Variants in TINAGL1 observed in about 807,000 individuals in gnomAD.
TINAGL1 encodes tubulointerstitial nephritis antigen like 1, also known as tubulointerstitial nephritis antigen-like.
A neutral mutation model predicts 62.0 loss-of-function variants in TINAGL1; 34 were observed. The ratio of observed to expected loss-of-function variants is 0.55; its 90% CI spans 0.42 to 0.73. The LOEUF is 0.73. Ranked by LOEUF, TINAGL1 falls within the 30% of genes least tolerant of loss-of-function variation. The pLI is 0.00. For synonymous variants in TINAGL1, 221 were observed against 249.7 expected, an observed-to-expected ratio of 0.88 and a Z score of 1.08; for missense variants, 516 against 653.2, an observed-to-expected ratio of 0.79 and a Z score of 2.29.
rs918874821 is a variant in TINAGL1 at position 31,587,302 on chromosome 1, C to T, written c.*323C>T. 7.6e-6 allele frequency: 2 copies of T among 262,998 alleles called. No individual in the cohort carries two copies. 16.3% of individuals were successfully genotyped at this position (262,998 alleles called of 1,614,324 possible). Reference sequence around the variant, plus strand: ...ACACCTCAAGTCTCCAGCCCCACTACCCCACCCCACTCCTGTATTCTTTTT... The same window carrying T: ...ACACCTCAAGTCTCCAGCCCCACTATCCCACCCCACTCCTGTATTCTTTTT... On this transcript the variant is annotated 3_prime_UTR_variant, in exon 12 of 12. Coordinates refer to ENST00000271064, the MANE Select transcript of TINAGL1 (RefSeq NM_022164.3).
At position 31,576,984 on chromosome 1, in the gene TINAGL1, G is replaced by A; in HGVS notation, c.-15-150G>A. The A allele has an allele frequency of 1.5e-6, 1 of 686,874 alleles. No individual in the cohort carries two copies. The highest frequency in any genetic ancestry group is 2.2e-5 in the South Asian group (1 of 46,254). 42.5% of individuals were successfully genotyped at this position (686,874 alleles called of 1,614,324 possible). The stretch of plus-strand genomic sequence containing the variant: ...CCCCTATAGCCAGGGCCCACACACT[G>A]GGGCTCCTCTGCCCGTGTCCTGCCT... On this transcript the variant is annotated intron_variant, in intron 1 of 11. Transcript: ENST00000271064. The surrounding 1 kb of genome is among the most constrained non-coding windows in gnomAD (Gnocchi z 5.1).
At chr1:31,580,167 C>A (rs1570202485) in intron 3 of TINAGL1, 2 of 188,372 alleles carry the variant, frequency 1.1e-5, no homozygotes, top group Admixed American at 1.8e-4. Flanking sequence ...AATGCGCTCT[C>A]TCTCTCTCTC....
At chr1:31,579,456 A>G (rs542135950) in intron 3 of TINAGL1, among the ~76,000 whole-genome samples, 189 bp downstream of exon 3, 6 of 152,346 alleles carry the variant, frequency 3.9e-5, no homozygotes, top group African/African-American at 1.4e-4. Context: ...TTCCAACAAC[A>G]TTCCTCAAGC....
chr1:31,579,596 G>C (rs41263961), intron 3 of TINAGL1, among the ~76,000 whole-genome samples: 1 of 152,144 alleles, frequency 6.6e-6, no homozygotes, highest in East Asian at 1.9e-4. Flanking sequence ...GGGAGAAGGG[G>C]GCGCCAGGAA....
chr1:31,587,070 G>A lies in TINAGL1; in HGVS notation c.*91G>A. 3.0e-6 allele frequency: 4 copies of A among 1,348,042 alleles called. No individual in the cohort carries two copies. Among genetic ancestry groups the A allele is most frequent in the Non-Finnish European group, 2.8e-6 (3 of 1,056,914 alleles). The allele number at this position is 1,348,042 out of a possible 1,614,324, so 83.5% of individuals were successfully genotyped here. A position where few individuals can be genotyped will look rare whatever the true frequency, so the allele number is the denominator to read the frequency against. Reference sequence around the variant, plus strand: ...TGGGGCGGTGACCCCAGCCTCGCCCGACAGAGCCCGGGGCGCAGGCGGGCG... The same window carrying A: ...TGGGGCGGTGACCCCAGCCTCGCCCAACAGAGCCCGGGGCGCAGGCGGGCG... On this transcript the variant is annotated 3_prime_UTR_variant, in exon 12 of 12. Coordinates refer to ENST00000271064, the MANE Select transcript of TINAGL1 (RefSeq NM_022164.3).
intron 3 of TINAGL1, chr1:31,580,356 C>A: frequency 7.8e-7 from 1 of 1,286,782 alleles, no homozygotes; most frequent in South Asian, 1.2e-5. Context: ...GCCCTGGGGG[C>A]AAAGGAGGAG....
Position 31,583,135 on chromosome 1 carries a change from C to A in TINAGL1, c.375-14C>A, listed in dbSNP as rs773946554. On this transcript the variant is annotated splice_polypyrimidine_tract_variant and intron_variant, in intron 3 of 11. Coordinates refer to ENST00000271064, the MANE Select transcript of TINAGL1 (RefSeq NM_022164.3). This position sits in a 1 kb window ranked among gnomAD's most constrained non-coding sequence, Gnocchi z 4.4. ...TCCCCCACTTACCCTTTCCTTCTCTCCTTTTCTCACCAGCACCTGCCAGGA... is the reference window on the plus strand; with the variant it reads ...TCCCCCACTTACCCTTTCCTTCTCTACTTTTCTCACCAGCACCTGCCAGGA... 23 of 1,613,856 alleles carry A rather than the reference C, an allele frequency of 1.4e-5. No homozygotes were observed. Among genetic ancestry groups the A allele is most frequent in the Non-Finnish European group, 1.4e-5 (17 of 1,179,774 alleles).
intron 10 of TINAGL1, 47 bp from the exon 11 acceptor site, chr1:31,586,663 G>A (rs1300313521): frequency 6.4e-7 from 1 of 1,553,830 alleles, no homozygotes; most frequent in Admixed American, 1.9e-5. Context: ...GAGCTCCTGA[G>A]AGCAGGTAGA....
Position 31,583,239 on chromosome 1 carries a change from T to A in TINAGL1, c.465T>A (p.Tyr155Ter). Residue 155 changes from tyrosine (Y) to a stop codon, truncating the protein, a stop_gained and splice_region_variant, in exon 4 of 12, where the codon TAT (tyrosine) becomes TAA (stop). Transcript: ENST00000271064. LOFTEE classifies it high-confidence loss of function. The surrounding 1 kb of genome is among the most constrained non-coding windows in gnomAD (Gnocchi z 4.4). ...TCAAAGCCATCAACCAGGGCAACTA[T>A]GGGTGAGAGGCCCTAGAGGCACCCT... ...DMIKAINQGN[Y>*]GWQAGNHSAF... 1 of 1,614,144 alleles carries A rather than the reference T, an allele frequency of 6.2e-7. No homozygotes were observed. The highest frequency in any genetic ancestry group is 8.5e-7 in the Non-Finnish European group (1 of 1,179,996).
In TINAGL1 at chr1:31,587,226, G is replaced by A. The variant is rs1639422594; in HGVS notation, c.*247G>A. ...CAGGGCCTGGCCTGGGAAGAGCACAGCTGCAGATCCCAGGCCTCTGGCGCC... is the reference window on the plus strand; with the variant it reads ...CAGGGCCTGGCCTGGGAAGAGCACAACTGCAGATCCCAGGCCTCTGGCGCC... On this transcript the variant is annotated 3_prime_UTR_variant, in exon 12 of 12. Transcript: ENST00000271064. 2.3e-6 allele frequency: 1 copy of A among 431,952 alleles called. No individual in the cohort carries two copies. Among genetic ancestry groups the A allele is most frequent in the Non-Finnish European group, 3.7e-6 (1 of 267,358 alleles). The allele number at this position is 431,952 out of a possible 1,614,324, so 26.8% of individuals were successfully genotyped here. A position where few individuals can be genotyped will look rare whatever the true frequency, so the allele number is the denominator to read the frequency against.
chr1:31,580,326 T>C, intron 3 of TINAGL1: 1 of 1,273,276 alleles, frequency 7.9e-7, no homozygotes, highest in Non-Finnish European at 1.0e-6. Flanking sequence ...CCACCGGCCC[T>C]GCCTGGACCT....
Position 31,577,708 on chromosome 1 carries a change from C to T in TINAGL1, c.310+250C>T, listed in dbSNP as rs745576030. On this transcript the variant is annotated intron_variant, in intron 2 of 11. Transcript: ENST00000271064. The surrounding 1 kb of genome is among the most constrained non-coding windows in gnomAD (Gnocchi z 5.4). ...CCCAATCCTGTCTCTTTTCCAGACA[C>T]GGAAGGTGCTGGCCGCACCTGCTGA... 9.7e-5 allele frequency: 52 copies of T among 534,992 alleles called. No individual in the cohort carries two copies. The highest frequency in any genetic ancestry group is 1.6e-4 in the Non-Finnish European group (49 of 306,764). The allele number at this position is 534,992 out of a possible 1,614,324, so 33.1% of individuals were successfully genotyped here. A position where few individuals can be genotyped will look rare whatever the true frequency, so the allele number is the denominator to read the frequency against.
At chr1:31,580,845 G>A (rs1028724909) in intron 3 of TINAGL1, 71 of 1,140,694 alleles carry the variant, frequency 6.2e-5, no homozygotes, top group East Asian at 3.6e-4. Flanking sequence ...GAGATGGAGC[G>A]GGAATGCAAC....
In TINAGL1 at chr1:31,584,606, C is replaced by T; in HGVS notation, c.583-72C>T. ...GAAGGCCCTGGACTTGGTGGCCCTC[C>T]AGTGCCAATGGGCACCTGAGGGGCA... On this transcript the variant is annotated intron_variant, in intron 5 of 11. Coordinates refer to ENST00000271064, the MANE Select transcript of TINAGL1 (RefSeq NM_022164.3). This position sits in a 1 kb window ranked among gnomAD's most constrained non-coding sequence, Gnocchi z 4.0. 1 of 1,605,512 alleles carries T rather than the reference C, an allele frequency of 6.2e-7. No homozygotes were observed. The highest frequency in any genetic ancestry group is 8.5e-7 in the Non-Finnish European group (1 of 1,175,034).
At chr1:31,580,139 T>C in intron 3 of TINAGL1, 2 of 697,188 alleles carry the variant, frequency 2.9e-6, no homozygotes, top group Non-Finnish European at 4.0e-6. Flanking sequence ...ATAGGATGGC[T>C]CTGGACGTTG....
At chr1:31,581,308 A>T (rs1364649854) in intron 3 of TINAGL1, among the ~76,000 whole-genome samples, 1 of 152,142 alleles carries the variant, frequency 6.6e-6, no homozygotes, top group East Asian at 1.9e-4. Flanking sequence ...CGGGAATTTT[A>T]AGGGGTAGCA....
chr1:31,579,133 T>C, intron 2 of TINAGL1, 71 bp from the exon 3 acceptor site: 1 of 1,257,962 alleles, frequency 7.9e-7, no homozygotes. Flanking sequence ...GTACCTGACC[T>C]CCAAGGACCT....
chr1:31,585,734 C>T lies in TINAGL1; in HGVS notation c.1094-19C>T, dbSNP rs764765103. 4.3e-6 allele frequency: 7 copies of T among 1,609,430 alleles called. No individual in the cohort carries two copies. The highest frequency in any genetic ancestry group is 1.3e-5 in the African/African-American group (1 of 74,826). On this transcript the variant is annotated intron_variant, in intron 9 of 11. Coordinates refer to ENST00000271064, the MANE Select transcript of TINAGL1 (RefSeq NM_022164.3). This position sits in a 1 kb window ranked among gnomAD's most constrained non-coding sequence, Gnocchi z 4.3. Reference sequence around the variant, plus strand: ...GTGCCAACGGGCTGAGTGGACCCTACCTTGACATCTGCCCACAGCCCTCAT... The same window carrying T: ...GTGCCAACGGGCTGAGTGGACCCTATCTTGACATCTGCCCACAGCCCTCAT...
rs77510620 is a variant in TINAGL1 at position 31,583,809 on chromosome 1, C to A, written c.582+234C>A. The A allele has an allele frequency of 5.4e-4, 299 of 551,072 alleles. 2 individuals carry two copies. The East Asian group carries it at 8.9e-3, about 16-fold the overall frequency. 34.1% of individuals were successfully genotyped at this position (551,072 alleles called of 1,614,324 possible). Reference sequence around the variant, plus strand: ...TTCGTGGTCTTGGCATCAGCTCCCCCCTGATCTCTCCAGCCTGGGAAAAAT... The same window carrying A: ...TTCGTGGTCTTGGCATCAGCTCCCCACTGATCTCTCCAGCCTGGGAAAAAT... On this transcript the variant is annotated intron_variant, in intron 5 of 11. Transcript: ENST00000271064. The surrounding 1 kb of genome is among the most constrained non-coding windows in gnomAD (Gnocchi z 4.4).
Sources: gnomAD v4.1 joint callset for allele counts (sites outside exome capture counted in the v4.1 genomes callset) on GRCh38, gnomAD v4.1.1 for gene constraint, Gnocchi (gnomAD v3.1) non-coding constraint, MANE v1.5 for transcripts, NCBI Gene and HGNC (gene_info 2026-07-23, HGNC 2026-07-21) for gene names.